DAGLB: variants seen among roughly 807,000 people sequenced by gnomAD.
The protein encoded by DAGLB is diacylglycerol lipase beta, also known as diacylglycerol lipase-beta.
DAGLB carries 66 observed loss-of-function variants against 72.1 expected under a neutral mutation model. The observed-to-expected ratio is 0.92, with a 90% confidence interval of 0.75 to 1.12. The LOEUF is 1.12. Ranked by LOEUF, DAGLB falls within the 50% of genes most tolerant of loss-of-function variation. DAGLB has a pLI of 0.00. For missense variants in DAGLB, 1,065 were observed against 884.9 expected (o/e 1.20, Z -2.58); for synonymous variants, 414 against 359.5 (o/e 1.15, Z -1.71).
At chr7:6,424,987 T>C in intron 7 of DAGLB, 152 bp from the exon 8 acceptor site, 1 of 706,094 alleles carries the variant, frequency 1.4e-6, no homozygotes, top group Non-Finnish European at 2.5e-6. Flanking sequence ...CACTACACAG[T>C]GGGACCCACT....
intron 8 of DAGLB, among the ~76,000 whole-genome samples, chr7:6,423,353 A>T (rs1181237340): frequency 6.6e-6 from 1 of 152,180 alleles, no homozygotes; most frequent in Non-Finnish European, 1.5e-5. Flanking sequence ...GGCGCTGGAA[A>T]TGGAGAGAGG....
intron 11 of DAGLB, among the ~76,000 whole-genome samples, chr7:6,416,096 C>A (rs1048941870): frequency 1.3e-5 from 2 of 152,110 alleles, no homozygotes; most frequent in African/African-American, 4.8e-5. Flanking sequence ...CTACAATCTG[C>A]TGCTCAGTTT....
intron 2 of DAGLB, among the ~76,000 whole-genome samples, chr7:6,445,476 G>C (rs1040030250): frequency 6.6e-6 from 1 of 152,034 alleles, no homozygotes; most frequent in Non-Finnish European, 1.5e-5. Context: ...GAGAGTTTGG[G>C]GAAAATGAGG....
intron 13 of DAGLB, among the ~76,000 whole-genome samples, chr7:6,411,118 C>T (rs1055981303): frequency 1.1e-4 from 17 of 151,866 alleles, no homozygotes; most frequent in Non-Finnish European, 2.9e-5. Flanking sequence ...GTGATCCACC[C>T]GCCTTGGCCT....
chr7:6,413,639 A>AG (rs1331412071), intron 11 of DAGLB, among the ~76,000 whole-genome samples: 1 of 151,942 alleles, frequency 6.6e-6, no homozygotes, highest in African/African-American at 2.4e-5. Context: ...CAAAAGAAAA[A>AG]AAAAAAAAAA....
At position 6,435,021 on chromosome 7, in the gene DAGLB, C is replaced by T; in HGVS notation, c.420-1G>A. 6.2e-7 allele frequency: 1 copy of T among 1,612,816 alleles called. No individual in the cohort carries two copies. Among genetic ancestry groups the T allele is most frequent in the Non-Finnish European group, 8.5e-7 (1 of 1,179,788 alleles). ...CACTGTGGCAGCGATGATGATCCAA[C>T]TGCAAGACAGAGAGAGGAAAAGGCT... On this transcript the variant is annotated splice_acceptor_variant, in intron 3 of 14. Coordinates refer to ENST00000297056, the MANE Select transcript of DAGLB (RefSeq NM_139179.4). LOFTEE classifies it high-confidence loss of function.
intron 5 of DAGLB, among the ~76,000 whole-genome samples, chr7:6,431,221 C>T (rs1291894725): frequency 6.6e-6 from 1 of 152,002 alleles, no homozygotes; most frequent in African/African-American, 2.4e-5. Flanking sequence ...GCCACTGCCA[C>T]ACACGAGCTG....
At chr7:6,426,462 G>T (rs1784312727) in intron 6 of DAGLB, among the ~76,000 whole-genome samples, 1 of 152,162 alleles carries the variant, frequency 6.6e-6, no homozygotes, top group Admixed American at 6.5e-5. Context: ...TACAGATAGA[G>T]TTTCGCCATG....
intron 9 of DAGLB, among the ~76,000 whole-genome samples, chr7:6,420,358 T>G (rs1767788883): frequency 6.6e-6 from 1 of 151,412 alleles, no homozygotes; most frequent in East Asian, 1.9e-4. Context: ...GAGAATTGCT[T>G]GAACCTGGGA....
chr7:6,424,774 A>G lies in DAGLB; in HGVS notation c.1118T>C (p.Val373Ala). 6.2e-7 allele frequency: 1 copy of G among 1,613,588 alleles called. No homozygotes were observed. Residue 373 changes from valine (V) to alanine (A), a missense_variant, in exon 8 of 15, where the codon GTG becomes GCG. Coordinates refer to ENST00000297056, the MANE Select transcript of DAGLB (RefSeq NM_139179.4). The part of the protein sequence containing the change: ...DHRKESVVVA[V>A]RGTMSLQDVL... ...TACCTGCAGAGACATGGTCCCCCTC[A>G]CAGCGACCACAACAGACTCTTTCCT...
In DAGLB at chr7:6,446,477, C is replaced by CAAAAAAAAAAA. The variant is rs748156438; in HGVS notation, c.96-384_96-374dup. 4.2e-3 allele frequency among the ~76,000 whole-genome samples: 249 copies of CAAAAAAAAAAA among 58,656 alleles called. 11 individuals carry two copies. The highest frequency in any genetic ancestry group is 5.3e-3 in the East Asian group (7 of 1,318). 38.5% of individuals were successfully genotyped at this position (58,656 alleles called of 152,430 possible). A position where few individuals can be genotyped will look rare whatever the true frequency, so the allele number is the denominator to read the frequency against. Reference sequence around the variant, plus strand: ...TGGGCAACGATATGAGACTCCGTCTCAAAAAAAAAAAAAAAAAAAAAAAAA... The same window carrying CAAAAAAAAAAA: ...TGGGCAACGATATGAGACTCCGTCTCAAAAAAAAAAAAAAAAAAAAAAAAAAAAAAAAAAAA... On this transcript the variant is annotated intron_variant, in intron 1 of 14. Coordinates refer to ENST00000297056, the MANE Select transcript of DAGLB (RefSeq NM_139179.4).
At position 6,410,396 on chromosome 7, in the gene DAGLB, A is replaced by C; in HGVS notation, c.1570-16T>G. 1.1e-5 allele frequency: 18 copies of C among 1,592,082 alleles called. No homozygotes were observed. Among genetic ancestry groups the C allele is most frequent in the Non-Finnish European group, 1.5e-5 (17 of 1,166,666 alleles). The stretch of plus-strand genomic sequence containing the variant: ...AGATCTTGTACTGAGGGCGAGACCC[A>C]ATCAGTAGAATGCTGTCACTCACCC... On this transcript the variant is annotated splice_polypyrimidine_tract_variant and intron_variant, in intron 13 of 14. Coordinates refer to ENST00000297056, the MANE Select transcript of DAGLB (RefSeq NM_139179.4).
intron 9 of DAGLB, among the ~76,000 whole-genome samples, chr7:6,419,871 G>A (rs908747298): frequency 6.6e-6 from 1 of 152,226 alleles, no homozygotes; most frequent in East Asian, 1.9e-4. Flanking sequence ...GCCAGGCGTG[G>A]TGGCTCACGC....
chr7:6,432,390 G>A (rs568066095), intron 5 of DAGLB, among the ~76,000 whole-genome samples: 1 of 151,944 alleles, frequency 6.6e-6, no homozygotes, highest in Non-Finnish European at 1.5e-5. Flanking sequence ...GGGCACGGTG[G>A]CTCACGCCTG....
intron 5 of DAGLB, among the ~76,000 whole-genome samples, chr7:6,431,610 A>G (rs1784490838): frequency 6.6e-6 from 1 of 152,072 alleles, no homozygotes; most frequent in Admixed American, 6.5e-5. Flanking sequence ...CGTCTCTGCT[A>G]AAAATACAAA....
intron 4 of DAGLB, 88 bp downstream of exon 4, chr7:6,434,674 G>A (rs1034530183): frequency 2.3e-5 from 36 of 1,572,020 alleles, no homozygotes; most frequent in Non-Finnish European, 3.1e-5. Context: ...GTTCTCAAAC[G>A]CGGTTTTATG....
chr7:6,443,786 T>C (rs1583304257), intron 2 of DAGLB, among the ~76,000 whole-genome samples: 1 of 152,140 alleles, frequency 6.6e-6, no homozygotes, highest in African/African-American at 2.4e-5. Context: ...TGGCGGATGG[T>C]GGCATGTCAC....
chr7:6,444,359 T>C lies in DAGLB; in HGVS notation c.247+1594A>G, dbSNP rs112769675. Among the ~76,000 whole-genome samples the C allele has an allele frequency of 4.0e-3, 603 of 152,248 alleles. 9 individuals carry two copies. Among genetic ancestry groups the C allele is most frequent in the African/African-American group, 0.014 (573 of 41,538 alleles). On this transcript the variant is annotated intron_variant, in intron 2 of 14. Transcript: ENST00000297056. The stretch of plus-strand genomic sequence containing the variant: ...ACTCACACTTGTAATCCTAGCACTT[T>C]GGGAGGTCGAAGCGGGTGGATCACG...
intron 2 of DAGLB, among the ~76,000 whole-genome samples, chr7:6,439,435 A>G (rs958054121): frequency 1.3e-5 from 2 of 152,186 alleles, no homozygotes; most frequent in African/African-American, 4.8e-5. Context: ...TTGGTTAAGT[A>G]ACCCTATCAT....
Sources: gnomAD v4.1 joint callset for allele counts (sites outside exome capture counted in the v4.1 genomes callset) on GRCh38, gnomAD v4.1.1 for gene constraint, MANE v1.5 for transcripts, NCBI Gene and HGNC (gene_info 2026-07-23, HGNC 2026-07-21) for gene names.